The following TEN1 variants were observed in gnomAD, a reference collection of about 807,000 sequenced individuals.
The protein encoded by TEN1 is CST complex subunit TEN1.
TEN1 carries 6 observed loss-of-function variants against 9.3 expected under a neutral mutation model. The ratio of observed to expected loss-of-function variants is 0.65; its 90% CI spans 0.35 to 1.27. The LOEUF (loss-of-function observed/expected upper bound fraction) is 1.27. Among genes scored for constraint, TEN1 ranks in the 50% most tolerant of loss-of-function variants. The pLI, the probability that TEN1 is intolerant of heterozygous loss-of-function variation, is 0.03. For synonymous variants in TEN1, 65 were observed against 65.6 expected (o/e 0.99, Z 0.04); for missense variants, 149 against 158.2 (o/e 0.94, Z 0.31).
At chr17:75,988,764 C>G (rs2066167681) in intron 2 of TEN1, among the ~76,000 whole-genome samples, 1 of 151,770 alleles carries the variant, frequency 6.6e-6, no homozygotes, top group Non-Finnish European at 1.5e-5. Flanking sequence ...GCATCATTTA[C>G]TTAGCCAAGT....
At chr17:75,985,944 G>A (rs900667039) in intron 1 of TEN1, among the ~76,000 whole-genome samples, 6 of 151,570 alleles carry the variant, frequency 4.0e-5, no homozygotes, top group Non-Finnish European at 7.4e-5. Flanking sequence ...CAACATGCAG[G>A]TTTGTTACAT....
chr17:75,998,158 CT>C (rs950515922), intron 3 of TEN1, among the ~76,000 whole-genome samples: 2 of 144,276 alleles, frequency 1.4e-5, no homozygotes, highest in African/African-American at 5.3e-5. Context: ...GGCCTTTTTC[CT>C]TTTTTTTTCC....
intron 2 of TEN1, among the ~76,000 whole-genome samples, chr17:75,990,791 G>GAA (rs34463013): frequency 0.54 from 65,813 of 122,990 alleles, 18,530 homozygotes; most frequent in African/African-American, 0.82. Context: ...CTGGGATACA[G>GAA]AAAAAAAAAA....
At chr17:75,983,826 C>T (rs1488846064) in intron 1 of TEN1, among the ~76,000 whole-genome samples, 3 of 151,854 alleles carry the variant, frequency 2.0e-5, no homozygotes, top group Non-Finnish European at 2.9e-5. Flanking sequence ...TGAGGGGGGC[C>T]GCAGGAGTGG....
At chr17:75,991,738 A>T in intron 3 of TEN1, 115 bp downstream of exon 3, 1 of 1,275,680 alleles carries the variant, frequency 7.8e-7, no homozygotes, top group Non-Finnish European at 1.1e-6. Context: ...ATCAGGGTTA[A>T]TGTTTCTTCC....
intron 3 of TEN1, among the ~76,000 whole-genome samples, chr17:75,995,765 G>A (rs1048770402): frequency 4.6e-5 from 7 of 152,158 alleles, no homozygotes; most frequent in Admixed American, 3.9e-4. Flanking sequence ...TCTGCCTTCT[G>A]CTTTTCTCTC....
rs1263319124 is a variant in TEN1, at chr17:75,979,381, G to A, written c.-137G>A. The A allele has an allele frequency of 1.9e-6, 1 of 523,750 alleles. No homozygotes were observed. The highest frequency in any genetic ancestry group is 1.9e-5 in the African/African-American group (1 of 51,716). The allele number at this position is 523,750 out of a possible 1,614,324, so 32.4% of individuals were successfully genotyped here. A position where few individuals can be genotyped will look rare whatever the true frequency, so the allele number is the denominator to read the frequency against. ...GATCCTCGGGAAAGGGGCTCCGAAG[G>A]TCAAGAAACTGCCCTGCTGGGCGTC... On this transcript the variant is annotated 5_prime_UTR_variant, in exon 1 of 4. Transcript: ENST00000397640.
At chr17:75,998,509 C>T (rs2066231210) in intron 3 of TEN1, among the ~76,000 whole-genome samples, 2 of 152,096 alleles carry the variant, frequency 1.3e-5, no homozygotes, top group African/African-American at 4.8e-5. Flanking sequence ...CACAGGCAAC[C>T]TCATGTTTCA....
At chr17:75,999,549 G>A (rs1452141029) in intron 3 of TEN1, among the ~76,000 whole-genome samples, 2 of 151,990 alleles carry the variant, frequency 1.3e-5, no homozygotes, top group African/African-American at 4.8e-5. Flanking sequence ...CATCATGTTG[G>A]CCAGGCTGGT....
intron 1 of TEN1, among the ~76,000 whole-genome samples, chr17:75,985,285 A>G (rs1385110182): frequency 6.6e-6 from 1 of 152,074 alleles, no homozygotes; most frequent in Non-Finnish European, 1.5e-5. Flanking sequence ...TGCTGGGACT[A>G]CAGGTGAGAG....
In TEN1 at chr17:76,000,562, A is replaced by C; in HGVS notation, c.*300A>C. 1 of 320,426 alleles carries C rather than the reference A, an allele frequency of 3.1e-6. No individual in the cohort carries two copies. Among genetic ancestry groups the C allele is most frequent in the Non-Finnish European group, 5.7e-6 (1 of 174,784 alleles). The allele number at this position is 320,426 out of a possible 1,614,324, so 19.8% of individuals were successfully genotyped here. ...GGGTTCCAGAAGGTCCTGGTGAATA[A>C]AGGCCCAGGGGGCGTGCTCTTGAAG... On this transcript the variant is annotated 3_prime_UTR_variant, in exon 4 of 4. Coordinates refer to ENST00000397640, the MANE Select transcript of TEN1 (RefSeq NM_001113324.3). This position sits in a 1 kb window ranked among gnomAD's most constrained non-coding sequence, Gnocchi z 5.9.
At chr17:75,984,869 CTG>C (rs2066142512) in intron 1 of TEN1, 1 of 152,268 alleles carries the variant, frequency 6.6e-6, no homozygotes, top group Non-Finnish European at 1.5e-5. Flanking sequence ...CAGGCAGTCT[CTG>C]TCTCTTTTGC....
At chr17:75,992,558 G>C (rs2066192413) in intron 3 of TEN1, among the ~76,000 whole-genome samples, 1 of 151,926 alleles carries the variant, frequency 6.6e-6, no homozygotes, top group Non-Finnish European at 1.5e-5. Context: ...TGTCGCCCAG[G>C]CTGGAGTGCA....
chr17:75,997,362 C>T (rs577348904), intron 3 of TEN1, among the ~76,000 whole-genome samples: 3 of 152,118 alleles, frequency 2.0e-5, no homozygotes, highest in South Asian at 4.1e-4. Context: ...CCCCCCTCCC[C>T]GGCGCCACCA....
At chr17:75,988,944 T>C (rs1396329373) in intron 2 of TEN1, among the ~76,000 whole-genome samples, 2 of 151,442 alleles carry the variant, frequency 1.3e-5, no homozygotes, top group Non-Finnish European at 2.9e-5. Context: ...CTAATTTTTT[T>C]TATTTTTTAG....
At chr17:75,991,341 T>G in intron 2 of TEN1, 125 bp from the exon 3 acceptor site, 1 of 985,586 alleles carries the variant, frequency 1.0e-6, no homozygotes, top group Non-Finnish European at 1.5e-6. Flanking sequence ...TTGCTGCAAT[T>G]TGCATTTCTG....
chr17:75,998,344 G>A (rs958697368), intron 3 of TEN1, among the ~76,000 whole-genome samples: 1 of 148,892 alleles, frequency 6.7e-6, no homozygotes, highest in East Asian at 2.0e-4. Flanking sequence ...CAGGGTTTTC[G>A]CTTGTTGGCC....
rs764220647 is a variant in TEN1 at position 76,000,301 on chromosome 17, C to G, written c.*39C>G. ...AGCAACACCCTCACCTGCTTCAGAGCCCGAACCCTCTGGAGCTGCAGGAGC... is the reference window on the plus strand; with the variant it reads ...AGCAACACCCTCACCTGCTTCAGAGGCCGAACCCTCTGGAGCTGCAGGAGC... On this transcript the variant is annotated 3_prime_UTR_variant, in exon 4 of 4. Transcript: ENST00000397640. This position sits in a 1 kb window ranked among gnomAD's most constrained non-coding sequence, Gnocchi z 5.9. The G allele has an allele frequency of 2.6e-6, 4 of 1,538,480 alleles. No individual in the cohort carries two copies. In the South Asian group the frequency reaches 4.8e-5, roughly 19 times the overall value.
chr17:75,998,434 C>T (rs924818878), intron 3 of TEN1, among the ~76,000 whole-genome samples: 21 of 152,028 alleles, frequency 1.4e-4, no homozygotes, highest in African/African-American at 4.6e-4. Context: ...TGTTGGGAGC[C>T]ACCGCGCCAC....
Sources: allele counts gnomAD v4.1 joint callset (sites outside exome capture counted in the v4.1 genomes callset), GRCh38; gene constraint gnomAD v4.1.1; non-coding constraint Gnocchi (gnomAD v3.1); transcripts MANE v1.5; gene names NCBI Gene and HGNC (gene_info 2026-07-23, HGNC 2026-07-21).